CENPW: variants seen among roughly 807,000 people sequenced by gnomAD.
CENPW encodes cancer-up-regulated gene 2 protein.
Under a neutral mutation model 11.1 loss-of-function variants are expected in CENPW, and 3 were observed. The ratio of observed to expected loss-of-function variants is 0.27; its 90% CI spans 0.12 to 0.70. The LOEUF is 0.70. Among genes scored for constraint, CENPW ranks in the 30% least tolerant of loss-of-function variants. The pLI is 0.77. For synonymous variants in CENPW, 38 were observed against 42.0 expected, an observed-to-expected ratio of 0.91 and a Z score of 0.37; for missense variants, 100 against 105.6, an observed-to-expected ratio of 0.95 and a Z score of 0.23.
rs1455052037 is a variant in CENPW, at chr6:126,340,206, T to A, written c.-68T>A. ...CCGGATTGTTTTCGCTGGCCCAGTG[T>A]CCCCGGAGCTTGTGTGCGATACAGA... is the stretch of plus-strand genomic sequence containing the variant. On this transcript the variant is annotated 5_prime_UTR_variant, in exon 1 of 3. Coordinates refer to ENST00000368328, the MANE Select transcript of CENPW (RefSeq NM_001012507.4). The A allele has an allele frequency of 2.7e-6, 4 of 1,467,352 alleles. No homozygotes were observed. The highest frequency in any genetic ancestry group is 3.8e-6 in the Non-Finnish European group (4 of 1,056,898). 90.9% of individuals were successfully genotyped at this position (1,467,352 alleles called of 1,614,324 possible).
At chr6:126,462,671 C>T in the CENPW span, among the ~76,000 whole-genome samples, 2 of 151,390 alleles carry the variant, frequency 1.3e-5, no homozygotes, top group Admixed American at 6.6e-5. Flanking sequence ...AGACTGAGAC[C>T]AATATACAAA....
chr6:126,415,503 C>G, the CENPW span, among the ~76,000 whole-genome samples: 1 of 152,122 alleles, frequency 6.6e-6, no homozygotes, highest in Non-Finnish European at 1.5e-5. Flanking sequence ...AGTTAAATCA[C>G]AGGTCCACAT....
chr6:126,449,929 T>C, the CENPW span, among the ~76,000 whole-genome samples: 1 of 151,086 alleles, frequency 6.6e-6, no homozygotes, highest in Non-Finnish European at 1.5e-5. Context: ...AACAATTTCC[T>C]ATGTTTCAAC....
the CENPW span, among the ~76,000 whole-genome samples, chr6:126,441,865 C>T: frequency 8.6e-5 from 13 of 151,614 alleles, no homozygotes; most frequent in African/African-American, 2.2e-4. Context: ...AATGAGTATT[C>T]GGGCTGATTC....
chr6:126,432,231 AC>A, the CENPW span, among the ~76,000 whole-genome samples: 1 of 152,046 alleles, frequency 6.6e-6, no homozygotes, highest in African/African-American at 2.4e-5. Context: ...TACTCATGGC[AC>A]CTGTCACCCA....
chr6:126,377,744 A>G, the CENPW span, among the ~76,000 whole-genome samples: 1 of 152,244 alleles, frequency 6.6e-6, no homozygotes, highest in Non-Finnish European at 1.5e-5. Flanking sequence ...CAAATATCAC[A>G]AAGTCTCTTC....
the CENPW span, among the ~76,000 whole-genome samples, chr6:126,381,220 T>C: frequency 6.6e-6 from 1 of 152,222 alleles, no homozygotes. Context: ...TGTTTTTGTC[T>C]AATGATGATA....
chr6:126,419,195 T>G, the CENPW span, among the ~76,000 whole-genome samples: 3 of 152,144 alleles, frequency 2.0e-5, no homozygotes, highest in African/African-American at 7.2e-5. Context: ...GGGTGCTGAC[T>G]CAGGATGAGA....
chr6:126,446,970 A>T, the CENPW span, among the ~76,000 whole-genome samples: 1 of 151,224 alleles, frequency 6.6e-6, no homozygotes, highest in South Asian at 2.1e-4. Context: ...TACAGATCTT[A>T]TGCCTCTAAG....
At chr6:126,413,515 A>T in the CENPW span, among the ~76,000 whole-genome samples, 1 of 152,120 alleles carries the variant, frequency 6.6e-6, no homozygotes, top group Non-Finnish European at 1.5e-5. Context: ...AAGAAACAAA[A>T]TCTTTCTCAG....
At chr6:126,440,181 A>G in the CENPW span, among the ~76,000 whole-genome samples, 1 of 151,650 alleles carries the variant, frequency 6.6e-6, no homozygotes, top group Non-Finnish European at 1.5e-5. Context: ...AGTTTTAAAG[A>G]AGGGGATTCA....
At chr6:126,366,254 A>T in the CENPW span, among the ~76,000 whole-genome samples, 8 of 150,474 alleles carry the variant, frequency 5.3e-5, 1 homozygote, top group Admixed American at 2.6e-4. Context: ...CTGTAATTTT[A>T]AAAAAATTAC....
At chr6:126,421,512 A>G in the CENPW span, among the ~76,000 whole-genome samples, 2 of 150,870 alleles carry the variant, frequency 1.3e-5, no homozygotes, top group Non-Finnish European at 2.9e-5. Context: ...CTCCACATCC[A>G]TTCTCCAACT....
the CENPW span, among the ~76,000 whole-genome samples, chr6:126,463,859 C>A: frequency 6.6e-6 from 1 of 151,968 alleles, no homozygotes; most frequent in Non-Finnish European, 1.5e-5. Flanking sequence ...TGTCACAGAA[C>A]ATTTAAGGAA....
At chr6:126,414,420 A>G in the CENPW span, among the ~76,000 whole-genome samples, 1 of 152,158 alleles carries the variant, frequency 6.6e-6, no homozygotes, top group Non-Finnish European at 1.5e-5. Context: ...ACAAGTCTCA[A>G]CAAATCCTTT....
the CENPW span, among the ~76,000 whole-genome samples, chr6:126,404,045 C>T: frequency 8.9e-4 from 135 of 152,144 alleles, no homozygotes; most frequent in Non-Finnish European, 1.6e-3. Context: ...TCTGTCTGTG[C>T]TCTCATAAAT....
At chr6:126,446,909 A>AT in the CENPW span, among the ~76,000 whole-genome samples, 4 of 151,156 alleles carry the variant, frequency 2.6e-5, no homozygotes, top group East Asian at 3.9e-4. Flanking sequence ...TGTTTAAATG[A>AT]TTTTTTCTGT....
the CENPW span, among the ~76,000 whole-genome samples, chr6:126,393,196 C>T: frequency 2.0e-5 from 3 of 151,552 alleles, no homozygotes; most frequent in Non-Finnish European, 4.4e-5. Flanking sequence ...TTTAGTCTTG[C>T]TACAGATTTG....
At chr6:126,403,026 C>A in the CENPW span, among the ~76,000 whole-genome samples, 1 of 152,042 alleles carries the variant, frequency 6.6e-6, no homozygotes, top group South Asian at 2.1e-4. Context: ...ATTATTATGT[C>A]TTTTATGGTG....
Sources: gnomAD v4.1 joint callset for allele counts (sites outside exome capture counted in the v4.1 genomes callset) on GRCh38, gnomAD v4.1.1 for gene constraint, MANE v1.5 for transcripts, NCBI Gene and HGNC (gene_info 2026-07-23, HGNC 2026-07-21) for gene names.